HS3ST2: variants seen among roughly 807,000 people sequenced by gnomAD.
The protein encoded by HS3ST2 is heparan sulfate glucosamine 3-O-sulfotransferase 2.
A neutral mutation model predicts 26.3 loss-of-function variants in HS3ST2; 17 were observed. The ratio of observed to expected loss-of-function variants is 0.65; its 90% CI spans 0.44 to 0.97. The LOEUF (loss-of-function observed/expected upper bound fraction) is 0.97. HS3ST2 is among the 50% of genes least tolerant of loss of function. The pLI is 0.00. For missense variants in HS3ST2, 402 were observed against 501.2 expected, an observed-to-expected ratio of 0.80 and a Z score of 1.89; for synonymous variants, 237 against 219.2, an observed-to-expected ratio of 1.08 and a Z score of -0.72.
intron 1 of HS3ST2, among the ~76,000 whole-genome samples, chr16:22,828,602 A>G (rs1477417182): frequency 6.6e-6 from 1 of 152,208 alleles, no homozygotes; most frequent in Non-Finnish European, 1.5e-5. Context: ...AAGATATGAA[A>G]TCATCTAACA....
rs1567476819 is a variant in HS3ST2, at chr16:22,814,848, C to T, written c.238C>T (p.Pro80Ser). The T allele has an allele frequency of 2.6e-6, 4 of 1,561,788 alleles. No homozygotes were observed. Among genetic ancestry groups the T allele is most frequent in the Non-Finnish European group, 2.6e-6 (3 of 1,153,872 alleles). Residue 80 changes from proline (P) to serine (S), a missense_variant, in exon 1 of 2, where the codon CCC becomes TCC. Physicochemically the swap from Pro to Ser is moderately conservative, Grantham distance 74. This residue lies in a region of HS3ST2 where 165 missense variants were observed against 154.6 expected (regional missense o/e 1.07). Transcript: ENST00000261374. ...CCCCTGTGATCCCTCCGGGCCGACG[C>T]CCAGCGAGCCCAGCGCTCCCAGCGC... Reference protein sequence around the residue: ...SRPCDPSGPTPSEPSAPSAPA... With the variant: ...SRPCDPSGPTSSEPSAPSAPA...
intron 1 of HS3ST2, among the ~76,000 whole-genome samples, chr16:22,818,860 CCCTCCCTT>C (rs1900928425): frequency 6.3e-5 from 1 of 15,846 alleles, no homozygotes; most frequent in African/African-American, 6.7e-4. Flanking sequence ...CTCCCTCCCT[CCCTCCCTT>C]CCTTCCTTCC....
chr16:22,893,238 A>G (rs1902153964), intron 1 of HS3ST2, among the ~76,000 whole-genome samples: 1 of 152,212 alleles, frequency 6.6e-6, no homozygotes, highest in Non-Finnish European at 1.5e-5. Context: ...AGGTTAAAAT[A>G]AGGCTATAAA....
intron 1 of HS3ST2, among the ~76,000 whole-genome samples, chr16:22,825,967 G>A (rs1291707052): frequency 6.6e-6 from 1 of 152,138 alleles, no homozygotes; most frequent in Non-Finnish European, 1.5e-5. Flanking sequence ...AGGTTGCAGT[G>A]AGCCGAAATC....
intron 1 of HS3ST2, among the ~76,000 whole-genome samples, chr16:22,852,962 G>T (rs1246336983): frequency 6.6e-6 from 1 of 152,078 alleles, no homozygotes; most frequent in Middle Eastern, 3.2e-3. Context: ...AGAAATTATA[G>T]AAACATTTTT....
Position 22,915,788 on chromosome 16 carries a change from A to G in HS3ST2, c.*226A>G, listed in dbSNP as rs764534016. Reference sequence around the variant, plus strand: ...CAAGCAAAGTTGATCTGCTCCTGGCACGTCCAGTAAATTCCAGAATCATTC... The same window carrying G: ...CAAGCAAAGTTGATCTGCTCCTGGCGCGTCCAGTAAATTCCAGAATCATTC... On this transcript the variant is annotated 3_prime_UTR_variant, in exon 2 of 2. Coordinates refer to ENST00000261374, the MANE Select transcript of HS3ST2 (RefSeq NM_006043.2). The G allele has an allele frequency of 1.8e-6, 1 of 551,492 alleles. No individual in the cohort carries two copies. Among genetic ancestry groups the G allele is most frequent in the Non-Finnish European group, 3.2e-6 (1 of 312,630 alleles). 34.2% of individuals were successfully genotyped at this position (551,492 alleles called of 1,614,324 possible). A position where few individuals can be genotyped will look rare whatever the true frequency, so the allele number is the denominator to read the frequency against.
At chr16:22,824,209 C>T (rs1901046050) in intron 1 of HS3ST2, among the ~76,000 whole-genome samples, 1 of 152,208 alleles carries the variant, frequency 6.6e-6, no homozygotes, top group Non-Finnish European at 1.5e-5. Flanking sequence ...TCTCAGGATG[C>T]AAAATACCTT....
intron 1 of HS3ST2, among the ~76,000 whole-genome samples, chr16:22,900,864 AGAG>A (rs906298752): frequency 2.0e-5 from 3 of 152,146 alleles, no homozygotes; most frequent in African/African-American, 7.2e-5. Flanking sequence ...AGATGGAGCA[AGAG>A]GAGGATGAAT....
chr16:22,829,699 C>A (rs1021620625), intron 1 of HS3ST2, among the ~76,000 whole-genome samples: 1 of 152,116 alleles, frequency 6.6e-6, no homozygotes, highest in East Asian at 1.9e-4. Flanking sequence ...TCTGCCATGG[C>A]TGTGGGGTAA....
intron 1 of HS3ST2, among the ~76,000 whole-genome samples, chr16:22,861,876 G>A (rs1646657749): frequency 6.6e-6 from 1 of 152,140 alleles, no homozygotes; most frequent in African/African-American, 2.4e-5. Flanking sequence ...GTCTCCTAAA[G>A]AGCTCTGCTC....
chr16:22,866,361 A>G (rs955647968), intron 1 of HS3ST2, among the ~76,000 whole-genome samples: 9 of 126,802 alleles, frequency 7.1e-5, no homozygotes, highest in African/African-American at 2.7e-4. Context: ...ATTTGACAAT[A>G]TGGTGTGCGT....
At chr16:22,846,494 T>G (rs562016584) in intron 1 of HS3ST2, among the ~76,000 whole-genome samples, 1 of 152,248 alleles carries the variant, frequency 6.6e-6, no homozygotes, top group South Asian at 2.1e-4. Flanking sequence ...TCATATCACC[T>G]ATGGTGTCAA....
At chr16:22,874,401 T>C (rs1486534112) in intron 1 of HS3ST2, among the ~76,000 whole-genome samples, 1 of 152,236 alleles carries the variant, frequency 6.6e-6, no homozygotes, top group Non-Finnish European at 1.5e-5. Flanking sequence ...CTCAGATTTG[T>C]GTGGAATTTC....
At position 22,915,028 on chromosome 16, in the gene HS3ST2, C is replaced by T; in HGVS notation, c.570C>T (p.Arg190=). Reference sequence around the variant, plus strand: ...TTGTCACTCAAGAGGCTCCTCGACGCATCTTCAACATGTCCCGAGACACCA... The same window carrying T: ...TTGTCACTCAAGAGGCTCCTCGACGTATCTTCAACATGTCCCGAGACACCA... ...SYFVTQEAPR[R]IFNMSRDTKL... Residue 190 remains arginine, a synonymous_variant, in exon 2 of 2, where the codon CGC becomes CGT. Coordinates refer to ENST00000261374, the MANE Select transcript of HS3ST2 (RefSeq NM_006043.2). 1 of 1,614,144 alleles carries T rather than the reference C, an allele frequency of 6.2e-7. No homozygotes were observed. The highest frequency in any genetic ancestry group is 8.5e-7 in the Non-Finnish European group (1 of 1,180,032).
At chr16:22,887,304 T>C (rs2141199274) in intron 1 of HS3ST2, among the ~76,000 whole-genome samples, 1 of 152,328 alleles carries the variant, frequency 6.6e-6, no homozygotes, top group Non-Finnish European at 1.5e-5. Flanking sequence ...TTTTGGAGGC[T>C]GGGAAGTTCA....
intron 1 of HS3ST2, among the ~76,000 whole-genome samples, chr16:22,883,626 A>G (rs1225556141): frequency 6.6e-6 from 1 of 152,198 alleles, no homozygotes; most frequent in Non-Finnish European, 1.5e-5. Flanking sequence ...AAGGCAAAAT[A>G]TTACACGATG....
At chr16:22,826,173 T>G (rs1901082984) in intron 1 of HS3ST2, among the ~76,000 whole-genome samples, 1 of 152,106 alleles carries the variant, frequency 6.6e-6, no homozygotes, top group East Asian at 1.9e-4. Flanking sequence ...TACAGAGAAA[T>G]TCAGCGGTCA....
intron 1 of HS3ST2, among the ~76,000 whole-genome samples, chr16:22,831,434 G>A (rs1901166166): frequency 6.6e-6 from 1 of 152,176 alleles, no homozygotes; most frequent in Non-Finnish European, 1.5e-5. Context: ...GGGCATCATG[G>A]GAAAGCAAGC....
intron 1 of HS3ST2, chr16:22,833,236 T>G: frequency 2.2e-6 from 1 of 456,056 alleles, no homozygotes; most frequent in South Asian, 1.5e-5. Context: ...ATAACCCCCA[T>G]TTTTCACTTG....
Sources: allele counts gnomAD v4.1 joint callset (sites outside exome capture counted in the v4.1 genomes callset), GRCh38; gene constraint gnomAD v4.1.1; regional missense constraint gnomAD v4.1.1; transcripts MANE v1.5; gene names NCBI Gene and HGNC (gene_info 2026-07-23, HGNC 2026-07-21).